Variants in PHLDA3 observed in about 807,000 individuals in gnomAD.
The protein encoded by PHLDA3 is pleckstrin homology-like domain family A member 3.
A neutral mutation model predicts 7.6 loss-of-function variants in PHLDA3; 12 were observed. That is an observed-to-expected ratio of 1.58 (90% confidence interval 1.01 to 2.55). PHLDA3 has a LOEUF of 2.55. Among genes scored for constraint, PHLDA3 ranks in the 30% most tolerant of loss-of-function variants. The pLI, the probability that PHLDA3 is intolerant of heterozygous loss-of-function variation, is 0.00. For synonymous variants in PHLDA3, 104 were observed against 85.1 expected (o/e 1.22, Z -1.23); for missense variants, 177 against 175.6 (o/e 1.01, Z -0.05).
At chr1:201,466,974 C>T (rs1663678079) in intron 1 of PHLDA3, among the ~76,000 whole-genome samples, 1 of 152,136 alleles carries the variant, frequency 6.6e-6, no homozygotes, top group Admixed American at 6.5e-5. Flanking sequence ...TCCTTCAGCT[C>T]CCTTGCTCTC....
Position 201,468,873 on chromosome 1 carries a change from G to C in PHLDA3, c.-87C>G. On this transcript the variant is annotated 5_prime_UTR_variant, in exon 1 of 2. Transcript: ENST00000367311. Reference sequence around the variant, plus strand: ...CGCAGCGCAGGATTCTGGCGCCCCGGGCTGGCAGGCCGTGCGCGCTGCCCA... The same window carrying C: ...CGCAGCGCAGGATTCTGGCGCCCCGCGCTGGCAGGCCGTGCGCGCTGCCCA... 1 of 1,348,328 alleles carries C rather than the reference G, an allele frequency of 7.4e-7. No individual in the cohort carries two copies. Among genetic ancestry groups the C allele is most frequent in the South Asian group, 1.7e-5 (1 of 58,862 alleles). 83.5% of individuals were successfully genotyped at this position (1,348,328 alleles called of 1,614,324 possible). A position where few individuals can be genotyped will look rare whatever the true frequency, so the allele number is the denominator to read the frequency against.
At chr1:201,468,237 C>A in intron 1 of PHLDA3, 104 bp downstream of exon 1, 1 of 865,868 alleles carries the variant, frequency 1.2e-6, no homozygotes, top group Non-Finnish European at 1.7e-6. Context: ...AACCTCCCCC[C>A]TAAGATGTCC....
At position 201,468,621 on chromosome 1, in the gene PHLDA3, C is replaced by T. The variant is rs754805985; in HGVS notation, c.166G>A (p.Ala56Thr). 6.2e-7 allele frequency: 1 copy of T among 1,613,600 alleles called. No homozygotes were observed. The highest frequency in any genetic ancestry group is 8.5e-7 in the Non-Finnish European group (1 of 1,179,974). ...TGGRPKELSF[A>T]RIKAVECVES... ...ACGCACTCCACGGCCTTGATGCGGG[C>T]GAAGCTGAGCTCCTTGGGCCGGCCG... Residue 56 changes from alanine (A) to threonine (T), a missense_variant, in exon 1 of 2, where the codon GCC becomes ACC. Ala to Thr is a moderately conservative substitution (Grantham distance 58). Transcript: ENST00000367311.
chr1:201,468,346 T>G lies in PHLDA3; in HGVS notation c.*57A>C, dbSNP rs1017668975. The G allele has an allele frequency of 6.3e-7, 1 of 1,595,348 alleles. No homozygotes were observed. The highest frequency in any genetic ancestry group is 1.7e-4 in the Middle Eastern group (1 of 5,976). On this transcript the variant is annotated 3_prime_UTR_variant, in exon 1 of 2. Transcript: ENST00000367311. The stretch of plus-strand genomic sequence containing the variant: ...CCAGTCCCCCGGGGGCTTACCTGCC[T>G]TGACCTCAGCACTGAGGTGGTGGGT...
At position 201,464,502 on chromosome 1, in the gene PHLDA3, G is replaced by A. The variant is rs1415970656; in HGVS notation, c.*1739C>T. 1.3e-5 allele frequency: 2 copies of A among 152,244 alleles called. No homozygotes were observed. Among genetic ancestry groups the A allele is most frequent in the Non-Finnish European group, 2.9e-5 (2 of 68,054 alleles). 9.4% of individuals were successfully genotyped at this position (152,244 alleles called of 1,614,324 possible). On this transcript the variant is annotated 3_prime_UTR_variant, in exon 2 of 2. Transcript: ENST00000367311. ...ACCTCTTGTGGACTCTGAGGGACTGGGGCACAGGACAGGGAAGTTTTTATT... is the reference window on the plus strand; with the variant it reads ...ACCTCTTGTGGACTCTGAGGGACTGAGGCACAGGACAGGGAAGTTTTTATT...
Position 201,468,480 on chromosome 1 carries a change from C to T in PHLDA3, c.307G>A (p.Val103Ile). 6.2e-7 allele frequency: 1 copy of T among 1,614,162 alleles called. No homozygotes were observed. The highest frequency in any genetic ancestry group is 8.5e-7 in the Non-Finnish European group (1 of 1,180,016). Reference sequence around the variant, plus strand: ...ATGGCCTGCTGGTTCTTGAACTTGACCAGGCCTAGGGTGATCTGGGCGTTC... The same window carrying T: ...ATGGCCTGCTGGTTCTTGAACTTGATCAGGCCTAGGGTGATCTGGGCGTTC... ...GWNAQITLGL[V>I]KFKNQQAIQT... The change falls in exon 1 of 2, where the codon GTC (valine) becomes ATC (isoleucine). Residue 103 changes from valine (V) to isoleucine (I), a missense_variant. By Grantham distance (29) the Val-to-Ile change is conservative. Transcript: ENST00000367311.
At position 201,468,626 on chromosome 1, in the gene PHLDA3, C is replaced by A. The variant is rs1333173966; in HGVS notation, c.161G>T (p.Ser54Ile). 8 of 1,613,458 alleles carry A rather than the reference C, an allele frequency of 5.0e-6. No homozygotes were observed. ...KGTGGRPKEL[S>I]FARIKAVECV... is the part of the protein sequence containing the mutation. The stretch of plus-strand genomic sequence containing the variant: ...CTCCACGGCCTTGATGCGGGCGAAG[C>A]TGAGCTCCTTGGGCCGGCCGCCCGT... The change falls in exon 1 of 2, where the codon AGC becomes ATC. Residue 54 changes from serine (S) to isoleucine (I), a missense_variant. Coordinates refer to ENST00000367311, the MANE Select transcript of PHLDA3 (RefSeq NM_012396.5).
At position 201,465,031 on chromosome 1, in the gene PHLDA3, C is replaced by CT. The variant is rs1663627069; in HGVS notation, c.*1209_*1210insA. ...TTCACCAAGTTGGCCAGGCTGGTCT[C>CT]AAATTCCTGACCTCAGGTGATCCAC... is the stretch of plus-strand genomic sequence containing the variant. On this transcript the variant is annotated 3_prime_UTR_variant, in exon 2 of 2. Transcript: ENST00000367311. 1 of 152,232 alleles carries CT rather than the reference C, an allele frequency of 6.6e-6. No homozygotes were observed. The highest frequency in any genetic ancestry group is 1.5e-5 in the Non-Finnish European group (1 of 68,094). 9.4% of individuals were successfully genotyped at this position (152,232 alleles called of 1,614,324 possible).
In PHLDA3 at chr1:201,464,405, A is replaced by G. The variant is rs1483549799; in HGVS notation, c.*1836T>C. 1 of 151,966 alleles carries G rather than the reference A, an allele frequency of 6.6e-6. No homozygotes were observed. The highest frequency in any genetic ancestry group is 2.4e-5 in the African/African-American group (1 of 41,196). 9.4% of individuals were successfully genotyped at this position (151,966 alleles called of 1,614,324 possible). On this transcript the variant is annotated 3_prime_UTR_variant, in exon 2 of 2. Coordinates refer to ENST00000367311, the MANE Select transcript of PHLDA3 (RefSeq NM_012396.5). ...GGATACAGTAAGTGACATATTTATA[A>G]AAGTTCTGTTGTAATTAACAAATTC...
intron 1 of PHLDA3, chr1:201,467,732 C>T: frequency 6.5e-6 from 1 of 153,548 alleles, no homozygotes; most frequent in South Asian, 2.1e-4. Context: ...CCAAGGCGGC[C>T]CACTGAGGCC....
At position 201,468,475 on chromosome 1, in the gene PHLDA3, C is replaced by T. The variant is rs772663791; in HGVS notation, c.312G>A (p.Lys104=). 1.9e-6 allele frequency: 3 copies of T among 1,614,090 alleles called. No individual in the cohort carries two copies. In the African/African-American group the frequency reaches 4.0e-5, roughly 22 times the overall value. ...TCTGGATGGCCTGCTGGTTCTTGAACTTGACCAGGCCTAGGGTGATCTGGG... is the reference window on the plus strand; with the variant it reads ...TCTGGATGGCCTGCTGGTTCTTGAATTTGACCAGGCCTAGGGTGATCTGGG... ...WNAQITLGLV[K]FKNQQAIQTV... is the part of the protein sequence containing the mutation. The change falls in exon 1 of 2, where the codon AAG becomes AAA. Residue 104 remains lysine (K), a synonymous_variant. Coordinates refer to ENST00000367311, the MANE Select transcript of PHLDA3 (RefSeq NM_012396.5).
chr1:201,465,954 CAT>C lies in PHLDA3; in HGVS notation c.*285_*286del, dbSNP rs1477072239. 1 of 155,018 alleles carries C rather than the reference CAT, an allele frequency of 6.5e-6. No homozygotes were observed. Among genetic ancestry groups the C allele is most frequent in the Non-Finnish European group, 1.5e-5 (1 of 68,392 alleles). 9.6% of individuals were successfully genotyped at this position (155,018 alleles called of 1,614,324 possible). A position where few individuals can be genotyped will look rare whatever the true frequency, so the allele number is the denominator to read the frequency against. On this transcript the variant is annotated 3_prime_UTR_variant, in exon 2 of 2. Coordinates refer to ENST00000367311, the MANE Select transcript of PHLDA3 (RefSeq NM_012396.5). ...CTCCTATGCCAGCTCCCCCTCATGC[CAT>C]ATGAGGCCAGGCCTGTGGCTCGAAG...
At position 201,469,109 on chromosome 1, in the gene PHLDA3, T is replaced by G; in HGVS notation, c.-323A>C. The stretch of plus-strand genomic sequence containing the variant: ...GGCCGTGAGCCCCACCGCCCGCCCG[T>G]TCTCTTGCTCCCCTGGGCTCTGTCT... On this transcript the variant is annotated 5_prime_UTR_variant, in exon 1 of 2. Coordinates refer to ENST00000367311, the MANE Select transcript of PHLDA3 (RefSeq NM_012396.5). The G allele has an allele frequency of 3.5e-6, 1 of 282,128 alleles. No individual in the cohort carries two copies. 17.5% of individuals were successfully genotyped at this position (282,128 alleles called of 1,614,324 possible). A position where few individuals can be genotyped will look rare whatever the true frequency, so the allele number is the denominator to read the frequency against.
intron 1 of PHLDA3, chr1:201,466,774 A>T (rs1357295497): frequency 3.3e-5 from 5 of 151,918 alleles, no homozygotes; most frequent in African/African-American, 4.8e-5. Context: ...CTCATAGAGG[A>T]TTAAGACATC....
chr1:201,468,887 G>A lies in PHLDA3; in HGVS notation c.-101C>T. The A allele has an allele frequency of 7.7e-7, 1 of 1,291,022 alleles. No individual in the cohort carries two copies. The highest frequency in any genetic ancestry group is 1.0e-6 in the Non-Finnish European group (1 of 1,000,520). 80.0% of individuals were successfully genotyped at this position (1,291,022 alleles called of 1,614,324 possible). A position where few individuals can be genotyped will look rare whatever the true frequency, so the allele number is the denominator to read the frequency against. On this transcript the variant is annotated 5_prime_UTR_variant, in exon 1 of 2. Coordinates refer to ENST00000367311, the MANE Select transcript of PHLDA3 (RefSeq NM_012396.5). ...CTGGCGCCCCGGGCTGGCAGGCCGT[G>A]CGCGCTGCCCACCTGCGCCCTGACT...
At chr1:201,468,293 G>C (rs1663723049) in intron 1 of PHLDA3, 48 bp downstream of exon 1, 9 of 1,221,298 alleles carry the variant, frequency 7.4e-6, no homozygotes, top group Admixed American at 4.3e-5. Context: ...GTAGGGGAAA[G>C]AGAAGGGAGG....
chr1:201,468,258 T>C, intron 1 of PHLDA3, 83 bp downstream of exon 1: 1 of 975,426 alleles, frequency 1.0e-6, no homozygotes, highest in East Asian at 2.6e-5. Context: ...GGCTCTGAAG[T>C]AGAATGCTAG....
rs1206994661 is a variant in PHLDA3 at position 201,464,470 on chromosome 1, A to C, written c.*1771T>G. 6.6e-6 allele frequency: 1 copy of C among 152,262 alleles called. No homozygotes were observed. Among genetic ancestry groups the C allele is most frequent in the Non-Finnish European group, 1.5e-5 (1 of 68,054 alleles). 9.4% of individuals were successfully genotyped at this position (152,262 alleles called of 1,614,324 possible). A position where few individuals can be genotyped will look rare whatever the true frequency, so the allele number is the denominator to read the frequency against. ...GATGTAATTCACACATCAGATGAGC[A>C]AGTTGAACCTCTTGTGGACTCTGAG... On this transcript the variant is annotated 3_prime_UTR_variant, in exon 2 of 2. Coordinates refer to ENST00000367311, the MANE Select transcript of PHLDA3 (RefSeq NM_012396.5).
rs1663650877 is a variant in PHLDA3 at position 201,465,824 on chromosome 1, T to A, written c.*417A>T. 6.5e-6 allele frequency: 1 copy of A among 154,966 alleles called. No homozygotes were observed. The highest frequency in any genetic ancestry group is 2.4e-5 in the African/African-American group (1 of 41,486). The allele number at this position is 154,966 out of a possible 1,614,324, so 9.6% of individuals were successfully genotyped here. ...GCTGGCCTCCTGATTCCTGAGGCGT[T>A]GGCTCGGCACCCCATGGGGGACTGC... On this transcript the variant is annotated 3_prime_UTR_variant, in exon 2 of 2. Transcript: ENST00000367311.
Sources: gnomAD v4.1 joint callset for allele counts (sites outside exome capture counted in the v4.1 genomes callset) on GRCh38, gnomAD v4.1.1 for gene constraint, MANE v1.5 for transcripts, NCBI Gene and HGNC (gene_info 2026-07-23, HGNC 2026-07-21) for gene names.